The following NR5A2 variants were observed in gnomAD, a reference collection of about 807,000 sequenced individuals.
The protein encoded by NR5A2 is CYP7A promoter-binding factor.
NR5A2 carries 26 observed loss-of-function variants against 62.7 expected under a neutral mutation model. That is an observed-to-expected ratio of 0.41 (90% CI 0.30 to 0.58). The LOEUF (loss-of-function observed/expected upper bound fraction) is 0.58. NR5A2 is among the 20% of genes least tolerant of loss of function. NR5A2 has a pLI of 0.22. For missense variants in NR5A2, 541 were observed against 669.1 expected, an observed-to-expected ratio of 0.81 and a Z score of 2.11; for synonymous variants, 246 against 241.7, an observed-to-expected ratio of 1.02 and a Z score of -0.16.
intron 6 of NR5A2, among the ~76,000 whole-genome samples, chr1:200,118,519 C>A (rs770615935): frequency 6.6e-6 from 1 of 152,168 alleles, no homozygotes; most frequent in Non-Finnish European, 1.5e-5. Context: ...GAGATTTATA[C>A]GTACTTGTCC....
At chr1:200,105,989 G>C (rs970124733) in intron 5 of NR5A2, among the ~76,000 whole-genome samples, 2 of 150,718 alleles carry the variant, frequency 1.3e-5, no homozygotes, top group African/African-American at 4.9e-5. Context: ...GCCGCAAAAA[G>C]GTTTTGATAG....
chr1:200,040,998 C>G (rs1662043504), intron 2 of NR5A2, among the ~76,000 whole-genome samples: 1 of 152,168 alleles, frequency 6.6e-6, no homozygotes, highest in African/African-American at 2.4e-5. Context: ...GGTCTGGCTG[C>G]TATGGGAACC....
At position 200,043,520 on chromosome 1, in the gene NR5A2, G is replaced by A. The variant is rs181146737; in HGVS notation, c.203-254G>A. 1.1e-3 allele frequency among the ~76,000 whole-genome samples: 175 copies of A among 152,322 alleles called. 1 individual carries two copies. Among genetic ancestry groups the A allele is most frequent in the African/African-American group, 3.7e-3 (155 of 41,572 alleles). ...GTTATGAGACTTGTGTTTAAAAGCGGTCAGTTTAAAATGTTAACAAAAGAA... is the reference window on the plus strand; with the variant it reads ...GTTATGAGACTTGTGTTTAAAAGCGATCAGTTTAAAATGTTAACAAAAGAA... On this transcript the variant is annotated intron_variant, in intron 2 of 7. Transcript: ENST00000367362.
chr1:200,094,478 C>T lies in NR5A2; in HGVS notation c.1111-16724C>T, dbSNP rs372285501. Among the ~76,000 whole-genome samples the T allele has an allele frequency of 1.5e-4, 23 of 150,298 alleles. No individual in the cohort carries two copies. The Middle Eastern group carries it at 0.014, about 91-fold the overall frequency. On this transcript the variant is annotated intron_variant, in intron 5 of 7. Transcript: ENST00000367362. ...AGGATTACAGATGTGAGCCACCACG[C>T]CCAGCCTGGATGGGTATTTCTAAAA...
intron 1 of NR5A2, among the ~76,000 whole-genome samples, chr1:200,028,281 G>A (rs1410455958): frequency 2.0e-5 from 3 of 151,960 alleles, no homozygotes; most frequent in Admixed American, 2.0e-4. Context: ...CATATTGAGT[G>A]ATCATTGATC....
chr1:200,068,109 AT>A (rs1161554896), intron 5 of NR5A2, among the ~76,000 whole-genome samples: 1 of 152,124 alleles, frequency 6.6e-6, no homozygotes, highest in East Asian at 1.9e-4. Context: ...TATTTTAAAT[AT>A]TTTTTGTAAG....
chr1:200,048,040 G>T lies in NR5A2; in HGVS notation c.464-132G>T. ...ACATGGTTTTTTGGGAAATCTTTGT[G>T]GGCTATTGTAACGAAAACAACCACA... On this transcript the variant is annotated intron_variant, in intron 4 of 7. Coordinates refer to ENST00000367362, the MANE Select transcript of NR5A2 (RefSeq NM_205860.3). The surrounding 1 kb of genome is among the most constrained non-coding windows in gnomAD (Gnocchi z 4.8). The T allele has an allele frequency of 1.3e-6, 1 of 771,702 alleles. No individual in the cohort carries two copies. The highest frequency in any genetic ancestry group is 2.0e-6 in the Non-Finnish European group (1 of 490,530). The allele number at this position is 771,702 out of a possible 1,614,324, so 47.8% of individuals were successfully genotyped here. A position where few individuals can be genotyped will look rare whatever the true frequency, so the allele number is the denominator to read the frequency against.
At chr1:200,033,980 T>A (rs1034845465) in intron 1 of NR5A2, among the ~76,000 whole-genome samples, 3 of 152,182 alleles carry the variant, frequency 2.0e-5, no homozygotes, top group African/African-American at 7.2e-5. Flanking sequence ...AGGAAGAAGT[T>A]TGGTTGGATC....
chr1:200,061,300 CAG>C (rs1663208369), intron 5 of NR5A2, among the ~76,000 whole-genome samples: 1 of 117,394 alleles, frequency 8.5e-6, no homozygotes, highest in South Asian at 2.6e-4. Flanking sequence ...TTTTTGGAGA[CAG>C]AGTTTTGCTC....
At chr1:200,140,939 G>A (rs1667417509) in intron 7 of NR5A2, among the ~76,000 whole-genome samples, 1 of 152,182 alleles carries the variant, frequency 6.6e-6, no homozygotes, top group Admixed American at 6.5e-5. Flanking sequence ...GCTGAGGCAG[G>A]AGAATTGCTT....
At chr1:200,067,510 C>T (rs1286686741) in intron 5 of NR5A2, among the ~76,000 whole-genome samples, 1 of 152,128 alleles carries the variant, frequency 6.6e-6, no homozygotes, top group East Asian at 1.9e-4. Context: ...GAGCTGTGAT[C>T]GTGCCATTGC....
intron 7 of NR5A2, among the ~76,000 whole-genome samples, chr1:200,162,244 A>G (rs991654093): frequency 6.6e-6 from 1 of 152,218 alleles, no homozygotes; most frequent in African/African-American, 2.4e-5. Context: ...GCCCTGCATG[A>G]TGGGCAAATA....
chr1:200,121,947 G>A (rs1666497243), intron 7 of NR5A2, among the ~76,000 whole-genome samples: 1 of 152,146 alleles, frequency 6.6e-6, no homozygotes, highest in South Asian at 2.1e-4. Context: ...TTCTTGACAG[G>A]ACTGCACAAC....
intron 5 of NR5A2, among the ~76,000 whole-genome samples, chr1:200,086,068 G>A (rs958704250): frequency 2.6e-5 from 4 of 152,166 alleles, no homozygotes; most frequent in African/African-American, 9.6e-5. Context: ...GTTTTTACTC[G>A]TGAGTCGTTT....
At chr1:200,117,816 C>T (rs1460747523) in intron 6 of NR5A2, among the ~76,000 whole-genome samples, 3 of 151,780 alleles carry the variant, frequency 2.0e-5, no homozygotes, top group Admixed American at 2.0e-4. Context: ...TGGGTTCAAA[C>T]GATTCTCCAG....
At chr1:200,041,725 A>G (rs545570667) in intron 2 of NR5A2, among the ~76,000 whole-genome samples, 1 of 152,292 alleles carries the variant, frequency 6.6e-6, no homozygotes, top group African/African-American at 2.4e-5. Context: ...AGCATCTGGG[A>G]AACTCTGAAA....
chr1:200,077,914 G>A (rs972576890), intron 5 of NR5A2, among the ~76,000 whole-genome samples: 1 of 152,050 alleles, frequency 6.6e-6, no homozygotes, highest in Non-Finnish European at 1.5e-5. Flanking sequence ...CATTATTTGA[G>A]TATCTGATGA....
At chr1:200,041,604 C>T (rs1662086171) in intron 2 of NR5A2, among the ~76,000 whole-genome samples, 1 of 152,180 alleles carries the variant, frequency 6.6e-6, no homozygotes, top group African/African-American at 2.4e-5. Flanking sequence ...CCTAGCTTTC[C>T]AAGGCACCGC....
intron 5 of NR5A2, among the ~76,000 whole-genome samples, chr1:200,094,089 A>G (rs112274584): frequency 6.9e-4 from 105 of 152,234 alleles, no homozygotes; most frequent in African/African-American, 2.4e-3. Context: ...GAATCACTTG[A>G]ACCCGGGAGG....
Sources: allele counts gnomAD v4.1 joint callset (sites outside exome capture counted in the v4.1 genomes callset), GRCh38; gene constraint gnomAD v4.1.1; non-coding constraint Gnocchi (gnomAD v3.1); transcripts MANE v1.5; gene names NCBI Gene and HGNC (gene_info 2026-07-23, HGNC 2026-07-21).